GABRG3: variants seen among roughly 807,000 people sequenced by gnomAD.
GABRG3 encodes gamma-aminobutyric acid receptor subunit gamma-3.
GABRG3 carries 25 observed loss-of-function variants against 48.8 expected under a neutral mutation model. The observed-to-expected ratio is 0.51, with a 90% confidence interval of 0.37 to 0.72. The LOEUF is 0.72. Ranked by LOEUF, GABRG3 falls within the 30% of genes least tolerant of loss-of-function variation. The pLI is 0.00. For missense variants in GABRG3, 394 were observed against 577.9 expected, an observed-to-expected ratio of 0.68 and a Z score of 3.26; for synonymous variants, 227 against 217.6, an observed-to-expected ratio of 1.04 and a Z score of -0.38.
chr15:27,277,900 A>G (rs1023534301), intron 3 of GABRG3, among the ~76,000 whole-genome samples: 4 of 152,134 alleles, frequency 2.6e-5, no homozygotes, highest in Non-Finnish European at 4.4e-5. Context: ...TCTAGGTACT[A>G]TTTACCCCAC....
chr15:27,303,034 C>T (rs1892265917), intron 3 of GABRG3, among the ~76,000 whole-genome samples: 1 of 151,566 alleles, frequency 6.6e-6, no homozygotes, highest in South Asian at 2.1e-4. Flanking sequence ...GAAGAAAGAC[C>T]TCAGATCACT....
chr15:27,123,297 A>C (rs2140377688), intron 3 of GABRG3, among the ~76,000 whole-genome samples: 1 of 152,308 alleles, frequency 6.6e-6, no homozygotes, highest in South Asian at 2.1e-4. Context: ...CTGCAAAATT[A>C]GTATATAGAA....
At chr15:27,269,474 T>C (rs1891016153) in intron 3 of GABRG3, among the ~76,000 whole-genome samples, 1 of 152,158 alleles carries the variant, frequency 6.6e-6, no homozygotes, top group Admixed American at 6.5e-5. Context: ...ATTTCAAGCA[T>C]CAGCTCAAAG....
rs963979184 is a variant in GABRG3, at chr15:27,519,343, A to G, written c.713-629A>G. Reference sequence around the variant, plus strand: ...CATCTGCATTGCTCCCAACTTCTTTATGGTGTGGTTCTGCTTTGGTAGAAG... The same window carrying G: ...CATCTGCATTGCTCCCAACTTCTTTGTGGTGTGGTTCTGCTTTGGTAGAAG... On this transcript the variant is annotated intron_variant, in intron 6 of 9. Coordinates refer to ENST00000615808, the MANE Select transcript of GABRG3 (RefSeq NM_033223.5). Among the ~76,000 whole-genome samples, 6 of 152,210 alleles carry G rather than the reference A, an allele frequency of 3.9e-5. No homozygotes were observed. In the South Asian group the frequency reaches 6.2e-4, roughly 16 times the overall value.
At chr15:27,237,610 A>G (rs745341126) in intron 3 of GABRG3, among the ~76,000 whole-genome samples, 2 of 152,208 alleles carry the variant, frequency 1.3e-5, no homozygotes, top group Admixed American at 6.5e-5. Context: ...CAAGAAGCAA[A>G]TGGTGTCACA....
At chr15:27,195,831 C>T (rs1888479697) in intron 3 of GABRG3, among the ~76,000 whole-genome samples, 3 of 152,116 alleles carry the variant, frequency 2.0e-5, no homozygotes, top group African/African-American at 7.2e-5. Context: ...GACGGGGTTT[C>T]ACTATTTTGG....
intron 5 of GABRG3, among the ~76,000 whole-genome samples, chr15:27,475,176 C>T (rs1889900490): frequency 6.6e-6 from 1 of 151,970 alleles, no homozygotes; most frequent in Non-Finnish European, 1.5e-5. Flanking sequence ...GGGAACATGA[C>T]AATCAGAAGA....
In GABRG3 at chr15:27,383,856, C is replaced by G. The variant is rs115356006; in HGVS notation, c.574+54968C>G. ...ATAAAGTAACTTGTATATAATAAAACAAAGTGTATGATAACAGCAAAATTC... is the reference window on the plus strand; with the variant it reads ...ATAAAGTAACTTGTATATAATAAAAGAAAGTGTATGATAACAGCAAAATTC... On this transcript the variant is annotated intron_variant, in intron 5 of 9. Coordinates refer to ENST00000615808, the MANE Select transcript of GABRG3 (RefSeq NM_033223.5). Among the ~76,000 whole-genome samples, 95 of 152,192 alleles carry G rather than the reference C, an allele frequency of 6.2e-4. 1 individual carries two copies. Among genetic ancestry groups the G allele is most frequent in the African/African-American group, 2.1e-3 (89 of 41,534 alleles).
Position 27,535,107 on chromosome 15 carries a change from C to T in GABRG3, c.*2226C>T, listed in dbSNP as rs1398565272. On this transcript the variant is annotated 3_prime_UTR_variant, in exon 10 of 10. Coordinates refer to ENST00000615808, the MANE Select transcript of GABRG3 (RefSeq NM_033223.5). ...TGCAAGGACCCTGACCAAAGGAATC[C>T]AAGTCACACCACAGCACTGAGCGCC... 1 of 152,264 alleles carries T rather than the reference C, an allele frequency of 6.6e-6. No individual in the cohort carries two copies. The highest frequency in any genetic ancestry group is 6.5e-5 in the Admixed American group (1 of 15,280). The allele number at this position is 152,264 out of a possible 1,614,324, so 9.4% of individuals were successfully genotyped here. A position where few individuals can be genotyped will look rare whatever the true frequency, so the allele number is the denominator to read the frequency against.
At chr15:27,331,966 A>T (rs1458220640) in intron 5 of GABRG3, among the ~76,000 whole-genome samples, 6 of 151,834 alleles carry the variant, frequency 4.0e-5, no homozygotes, top group Admixed American at 2.6e-4. Flanking sequence ...AAAAAAAAAA[A>T]CTTGGATGCC....
intron 3 of GABRG3, among the ~76,000 whole-genome samples, chr15:27,074,521 G>T (rs537397558): frequency 6.6e-6 from 1 of 151,876 alleles, no homozygotes; most frequent in East Asian, 2.0e-4. Flanking sequence ...TTGGACTCTT[G>T]TCCCTTCCTC....
chr15:27,407,739 A>G (rs1022923136), intron 5 of GABRG3, among the ~76,000 whole-genome samples: 3 of 152,224 alleles, frequency 2.0e-5, no homozygotes, highest in Non-Finnish European at 4.4e-5. Context: ...TTCTAACTAT[A>G]TGGCATTCTG....
Position 27,265,882 on chromosome 15 carries a change from G to GTTTTTTTTTTTTTTTTTTT in GABRG3, c.271-60912_271-60911insTTTTTTTTTTTTTTTTTTT, listed in dbSNP as rs57522857. Among the ~76,000 whole-genome samples the GTTTTTTTTTTTTTTTTTTT allele has an allele frequency of 9.4e-5, 12 of 127,584 alleles. 1 individual carries two copies. Among genetic ancestry groups the GTTTTTTTTTTTTTTTTTTT allele is most frequent in the African/African-American group, 3.1e-4 (9 of 29,446 alleles). 83.7% of individuals were successfully genotyped at this position (127,584 alleles called of 152,430 possible). ...GCAAGGTCAAGAAGATTTTCTCCTG[G>GTTTTTTTTTTTTTTTTTTT]TTTTTTTTTTTTTTTGAGAGTGACC... On this transcript the variant is annotated intron_variant, in intron 3 of 9. Transcript: ENST00000615808.
At chr15:27,526,751 A>G (rs914627361) in intron 7 of GABRG3, among the ~76,000 whole-genome samples, 2 of 152,146 alleles carry the variant, frequency 1.3e-5, no homozygotes, top group African/African-American at 4.8e-5. Flanking sequence ...GAGTATTACC[A>G]ATTAATTGAT....
intron 3 of GABRG3, among the ~76,000 whole-genome samples, chr15:27,033,051 TAGTC>T (rs1896113633): frequency 6.6e-6 from 1 of 152,252 alleles, no homozygotes; most frequent in African/African-American, 2.4e-5. Context: ...TTGTACAACT[TAGTC>T]AGTAAATGTG....
At chr15:27,522,810 A>G (rs753947094) in intron 7 of GABRG3, among the ~76,000 whole-genome samples, 2 of 151,922 alleles carry the variant, frequency 1.3e-5, no homozygotes, top group Admixed American at 6.6e-5. Context: ...TATTAAAAGC[A>G]ACAAAAACTG....
chr15:27,066,183 C>T (rs1440112951), intron 3 of GABRG3, among the ~76,000 whole-genome samples: 3 of 152,068 alleles, frequency 2.0e-5, no homozygotes, highest in East Asian at 3.8e-4. Context: ...TTTTCCTAAG[C>T]CCTGATAGAG....
chr15:27,307,340 G>GGTTTATATATGTTTATATATAACCATAA (rs1892623641), intron 3 of GABRG3, among the ~76,000 whole-genome samples: 1 of 133,678 alleles, frequency 7.5e-6, no homozygotes, highest in East Asian at 2.3e-4. Context: ...TATAACCATA[G>GGTTTATATATGTTTATATATAACCATAA]GTTTATATAT....
intron 5 of GABRG3, among the ~76,000 whole-genome samples, chr15:27,477,064 C>A (rs1001243257): frequency 2.6e-5 from 4 of 152,114 alleles, no homozygotes; most frequent in African/African-American, 7.2e-5. Context: ...ATATTCCTAG[C>A]AAAATTTTCC....
Sources: allele counts gnomAD v4.1 joint callset (sites outside exome capture counted in the v4.1 genomes callset), GRCh38; gene constraint gnomAD v4.1.1; transcripts MANE v1.5; gene names NCBI Gene and HGNC (gene_info 2026-07-23, HGNC 2026-07-21).